CSMD3: variants seen among roughly 807,000 people sequenced by gnomAD.
CSMD3 encodes the protein CUB and Sushi multiple domains 3, also known as CUB and sushi domain-containing protein 3.
Under a neutral mutation model 435.2 loss-of-function variants are expected in CSMD3, and 177 were observed. That is an observed-to-expected ratio of 0.41 (90% CI 0.36 to 0.46). The LOEUF (loss-of-function observed/expected upper bound fraction) is 0.46. Ranked by LOEUF, CSMD3 falls within the 20% of genes least tolerant of loss-of-function variation. CSMD3 has a pLI of 0.34. For synonymous variants in CSMD3, 1,656 were observed against 1,520.5 expected, an observed-to-expected ratio of 1.09 and a Z score of -2.07; for missense variants, 4,265 against 4,504.6, an observed-to-expected ratio of 0.95 and a Z score of 1.52.
At chr8:112,575,389 G>C (rs1203274889) in intron 23 of CSMD3, among the ~76,000 whole-genome samples, 1 of 152,006 alleles carries the variant, frequency 6.6e-6, no homozygotes, top group Non-Finnish European at 1.5e-5. Flanking sequence ...GAGAAAGTAA[G>C]GAATTGAGAA....
At chr8:112,569,609 G>A (rs1001560241) in intron 24 of CSMD3, among the ~76,000 whole-genome samples, 1 of 152,100 alleles carries the variant, frequency 6.6e-6, no homozygotes, top group Non-Finnish European at 1.5e-5. Context: ...ACAATGGCAA[G>A]TGTTGCTAAC....
chr8:113,356,715 C>A (rs1048698542), intron 1 of CSMD3, among the ~76,000 whole-genome samples: 10 of 152,020 alleles, frequency 6.6e-5, no homozygotes, highest in African/African-American at 2.4e-4. Flanking sequence ...TTTATTCTAT[C>A]AAATATATGG....
At chr8:113,125,390 G>A (rs1470975751) in intron 4 of CSMD3, among the ~76,000 whole-genome samples, 3 of 151,968 alleles carry the variant, frequency 2.0e-5, no homozygotes, top group Non-Finnish European at 4.4e-5. Flanking sequence ...GTTCAGGTAA[G>A]GATTTGGGGC....
chr8:112,933,218 T>A (rs1050427561), intron 9 of CSMD3, among the ~76,000 whole-genome samples: 1 of 152,054 alleles, frequency 6.6e-6, no homozygotes, highest in African/African-American at 2.4e-5. Context: ...TATCAAGTGG[T>A]GTATAATGAT....
chr8:112,223,760 C>T lies in CSMD3; in HGVS notation c.*1011G>A, dbSNP rs1334164588. On this transcript the variant is annotated 3_prime_UTR_variant, in exon 71 of 71. Coordinates refer to ENST00000297405, the MANE Select transcript of CSMD3 (RefSeq NM_198123.2). ...ATTGTTAAATGAAAATTAAAAGTGT[C>T]AAAATAATGCTAAATTTGAAGACTC... is the stretch of plus-strand genomic sequence containing the variant. The T allele has an allele frequency of 6.6e-6, 1 of 151,568 alleles. No homozygotes were observed. Among genetic ancestry groups the T allele is most frequent in the Non-Finnish European group, 1.5e-5 (1 of 67,886 alleles). The allele number at this position is 151,568 out of a possible 1,614,324, so 9.4% of individuals were successfully genotyped here. A position where few individuals can be genotyped will look rare whatever the true frequency, so the allele number is the denominator to read the frequency against.
At chr8:112,478,678 C>T (rs1819317934) in intron 31 of CSMD3, among the ~76,000 whole-genome samples, 1 of 152,074 alleles carries the variant, frequency 6.6e-6, no homozygotes, top group African/African-American at 2.4e-5. Flanking sequence ...GCCAAATGCC[C>T]AAGAAGATAG....
chr8:113,185,608 A>T (rs1171528206), intron 3 of CSMD3, among the ~76,000 whole-genome samples: 1 of 151,966 alleles, frequency 6.6e-6, no homozygotes, highest in Non-Finnish European at 1.5e-5. Flanking sequence ...TTTTCTATTA[A>T]ACTTTCTCTG....
intron 22 of CSMD3, among the ~76,000 whole-genome samples, chr8:112,613,175 T>C (rs1158860315): frequency 6.6e-6 from 1 of 152,172 alleles, no homozygotes; most frequent in African/African-American, 2.4e-5. Context: ...GGTTGTCACC[T>C]AAAGGTGTCT....
intron 32 of CSMD3, among the ~76,000 whole-genome samples, chr8:112,411,010 T>TGGGAA (rs373536736): frequency 0.2 from 30,716 of 150,594 alleles, 3,865 homozygotes; most frequent in East Asian, 0.44. Flanking sequence ...TTCTTTCTAT[T>TGGGAA]AGAAAACATG....
intron 30 of CSMD3, among the ~76,000 whole-genome samples, chr8:112,498,064 T>A (rs1238890340): frequency 6.6e-6 from 1 of 152,134 alleles, no homozygotes; most frequent in Non-Finnish European, 1.5e-5. Context: ...AATTATGTAT[T>A]TCTCTCTACC....
At chr8:112,661,777 G>A (rs2075386198) in intron 17 of CSMD3, among the ~76,000 whole-genome samples, 1 of 151,808 alleles carries the variant, frequency 6.6e-6, no homozygotes, top group South Asian at 2.1e-4. Context: ...TAGAAGGTGG[G>A]GAAGGGGTGA....
At position 112,509,264 on chromosome 8, in the gene CSMD3, A is replaced by G. The variant is rs527653691; in HGVS notation, c.4757-2435T>C. On this transcript the variant is annotated intron_variant, in intron 28 of 70. Coordinates refer to ENST00000297405, the MANE Select transcript of CSMD3 (RefSeq NM_198123.2). ...GCTGCCACATGCAGCTAATCTTTGT[A>G]TTTTTGGAGAGACAGAGTTTTGCCA... Among the ~76,000 whole-genome samples, 6 of 152,072 alleles carry G rather than the reference A, an allele frequency of 3.9e-5. No individual in the cohort carries two copies. The East Asian group carries it at 1.2e-3, about 30-fold the overall frequency.
At chr8:112,594,168 G>A (rs1375485234) in intron 22 of CSMD3, among the ~76,000 whole-genome samples, 142 of 152,260 alleles carry the variant, frequency 9.3e-4, no homozygotes, top group African/African-American at 3.2e-3. Context: ...CACGCACCGT[G>A]TGCGAGCCGA....
intron 31 of CSMD3, among the ~76,000 whole-genome samples, chr8:112,483,740 A>C (rs951615475): frequency 9.2e-5 from 14 of 152,196 alleles, no homozygotes; most frequent in Non-Finnish European, 2.9e-5. Context: ...TCTCAGGAGG[A>C]TACAAAGCTT....
intron 5 of CSMD3, among the ~76,000 whole-genome samples, chr8:113,073,070 T>C (rs2089193874): frequency 6.6e-6 from 1 of 151,858 alleles, no homozygotes; most frequent in Admixed American, 6.6e-5. Flanking sequence ...AAATTCATTA[T>C]AATCAGGAAA....
intron 3 of CSMD3, among the ~76,000 whole-genome samples, chr8:113,272,984 T>C (rs764756804): frequency 6.6e-6 from 1 of 151,984 alleles, no homozygotes; most frequent in Non-Finnish European, 1.5e-5. Flanking sequence ...TGTATATAAA[T>C]TCTAAAATAA....
chr8:113,266,116 A>T (rs1348155706), intron 3 of CSMD3, among the ~76,000 whole-genome samples: 5 of 150,688 alleles, frequency 3.3e-5, no homozygotes. Flanking sequence ...TAAGCTCTCT[A>T]TTAAATTTCA....
intron 4 of CSMD3, 53 bp from the exon 5 acceptor site, chr8:113,099,016 G>T (rs2131548437): frequency 8.2e-7 from 1 of 1,216,450 alleles, no homozygotes; most frequent in Non-Finnish European, 1.2e-6. Context: ...AAATGCAATT[G>T]TTCAGTTGTA....
At chr8:113,362,613 T>C (rs1228181616) in intron 1 of CSMD3, among the ~76,000 whole-genome samples, 1 of 152,156 alleles carries the variant, frequency 6.6e-6, no homozygotes, top group African/African-American at 2.4e-5. Context: ...AAACAGCTCT[T>C]TCCCACTCAG....
Sources: gnomAD v4.1 joint callset for allele counts (sites outside exome capture counted in the v4.1 genomes callset) on GRCh38, gnomAD v4.1.1 for gene constraint, MANE v1.5 for transcripts, NCBI Gene and HGNC (gene_info 2026-07-23, HGNC 2026-07-21) for gene names.